FRMD1: variants seen among roughly 807,000 people sequenced by gnomAD.
FRMD1 encodes the protein FERM domain-containing protein 1.
FRMD1 carries 51 observed loss-of-function variants against 54.9 expected under a neutral mutation model. That is an observed-to-expected ratio of 0.93 (90% CI 0.74 to 1.17). The LOEUF is 1.17. Ranked by LOEUF, FRMD1 falls within the 50% of genes most tolerant of loss-of-function variation. The probability of loss-of-function intolerance (pLI) is 0.00; values close to 1 mark genes in which losing one functional copy is unlikely to be tolerated. For missense variants in FRMD1, 729 were observed against 743.0 expected (o/e 0.98, Z 0.22); for synonymous variants, 324 against 306.4 (o/e 1.06, Z -0.60).
In FRMD1 at chr6:168,078,994, C is replaced by T. The variant is rs746166018; in HGVS notation, c.101G>A (p.Arg34Lys). The T allele has an allele frequency of 6.2e-7, 1 of 1,612,470 alleles. No individual in the cohort carries two copies. Among genetic ancestry groups the T allele is most frequent in the South Asian group, 1.1e-5 (1 of 91,068 alleles). The change falls in exon 1 of 11, where the codon AGG becomes AAG. Residue 34 changes from arginine to lysine, a missense_variant. Coordinates refer to ENST00000283309, the MANE Select transcript of FRMD1 (RefSeq NM_024919.6). The stretch of plus-strand genomic sequence containing the variant: ...CGGCTCCTGCTGACTGCATGCAGGC[C>T]TCTCAGGACTGGGTTCCATACATCG... Reference protein sequence around the residue: ...GARCMEPSPERPACSQQEPTL... With the variant: ...GARCMEPSPEKPACSQQEPTL...
At position 168,063,726 on chromosome 6, in the gene FRMD1, G is replaced by T. The variant is rs1285399910; in HGVS notation, c.679C>A (p.Leu227Ile). Residue 227 changes from leucine (L) to isoleucine (I), a missense_variant, in exon 6 of 11, where the codon CTC becomes ATC. Physicochemically the swap from Leu to Ile is conservative, Grantham distance 5. Transcript: ENST00000283309. ...CGGTGCAGGGTAGGCATGTGCCGGAGGATGTAGTCAATCCCCCTCTTGGTG... is the reference window on the plus strand; with the variant it reads ...CGGTGCAGGGTAGGCATGTGCCGGATGATGTAGTCAATCCCCCTCTTGGTG... Reference protein sequence around the residue: ...IITKRGIDYILRHMPTLHRER... With the variant: ...IITKRGIDYIIRHMPTLHRER... The T allele has an allele frequency of 1.2e-6, 2 of 1,613,486 alleles. No individual in the cohort carries two copies. The highest frequency in any genetic ancestry group is 4.5e-5 in the East Asian group (2 of 44,836).
chr6:168,085,761 C>A (rs1800907731), upstream of FRMD1, among the ~76,000 whole-genome samples: 1 of 150,384 alleles, frequency 6.6e-6, no homozygotes, highest in Non-Finnish European at 1.5e-5. Flanking sequence ...CCAAAGCCTT[C>A]CATGGCTCCC....
chr6:168,065,388 T>C (rs1204911957), intron 4 of FRMD1: 1 of 1,082,456 alleles, frequency 9.2e-7, no homozygotes, highest in Non-Finnish European at 1.1e-6. Context: ...CCCGGGCGAC[T>C]CGAATCCCTG....
chr6:168,068,887 G>C (rs1231016489), intron 2 of FRMD1, among the ~76,000 whole-genome samples: 1 of 152,238 alleles, frequency 6.6e-6, no homozygotes, highest in Non-Finnish European at 1.5e-5. Flanking sequence ...CACAGGGCCG[G>C]GTGCCTGGCT....
chr6:168,087,025 C>T (rs537060105), intron 1 of FRMD1, among the ~76,000 whole-genome samples: 1 of 152,004 alleles, frequency 6.6e-6, no homozygotes, highest in Non-Finnish European at 1.5e-5. Flanking sequence ...CCCGCTCACA[C>T]TCCCTTGGGC....
intron 9 of FRMD1, among the ~76,000 whole-genome samples, chr6:168,060,022 T>TGGGGGGCTTCCTAGGAGTG (rs1799631921): frequency 7.4e-6 from 1 of 135,970 alleles, no homozygotes. Context: ...TTCCTAGGAG[T>TGGGGGGCTTCCTAGGAGTG]GGGGGGCTTC....
chr6:168,083,980 G>A (rs960856877), upstream of FRMD1, among the ~76,000 whole-genome samples: 2 of 152,180 alleles, frequency 1.3e-5, no homozygotes, highest in Admixed American at 6.5e-5. Flanking sequence ...CCCCTCTACT[G>A]AAGCCTCACT....
chr6:168,062,680 C>T, intron 7 of FRMD1: 1 of 1,550,684 alleles, frequency 6.4e-7, no homozygotes, highest in Non-Finnish European at 8.7e-7. Context: ...CCAGAAATGC[C>T]AGCTTCCCAA....
intron 1 of FRMD1, among the ~76,000 whole-genome samples, chr6:168,092,810 C>T (rs1006768341): frequency 6.6e-6 from 1 of 152,250 alleles, no homozygotes; most frequent in African/African-American, 2.4e-5. Flanking sequence ...ACCTCTGCGG[C>T]AGCCACCCCG....
chr6:168,081,473 C>A, upstream of FRMD1: 1 of 1,535,612 alleles, frequency 6.5e-7, no homozygotes, highest in South Asian at 1.2e-5. Context: ...CCCAGATCTC[C>A]TCATGGCTGA....
chr6:168,077,657 T>A (rs972606277), intron 1 of FRMD1, among the ~76,000 whole-genome samples: 4 of 152,250 alleles, frequency 2.6e-5, no homozygotes, highest in African/African-American at 9.6e-5. Context: ...CAAAAGCAGA[T>A]GAGCACGATT....
chr6:168,063,845 C>T, intron 5 of FRMD1, 89 bp from the exon 6 acceptor site: 4 of 1,429,994 alleles, frequency 2.8e-6, no homozygotes, highest in East Asian at 2.7e-5. Context: ...CTTCCCCAGA[C>T]TCCCACAGCT....
At chr6:168,073,149 G>A (rs1013107091) in intron 2 of FRMD1, among the ~76,000 whole-genome samples, 17 of 152,252 alleles carry the variant, frequency 1.1e-4, no homozygotes, top group African/African-American at 3.9e-4. Flanking sequence ...TGCTGCTCCC[G>A]GGTGTAAGCC....
In FRMD1 at chr6:168,066,127, C is replaced by T. The variant is rs553886674; in HGVS notation, c.461+628G>A. The T allele has an allele frequency of 1.0e-5, 10 of 989,832 alleles. No individual in the cohort carries two copies. In the African/African-American group the frequency reaches 1.6e-4, roughly 16 times the overall value. 61.3% of individuals were successfully genotyped at this position (989,832 alleles called of 1,614,324 possible). On this transcript the variant is annotated intron_variant, in intron 4 of 10. Transcript: ENST00000283309. ...ACGCAGCAAGCATAGCAGCCCTTAG[C>T]CCAGCGACCTCCAGAAGCCTCGCCC...
intron 1 of FRMD1, among the ~76,000 whole-genome samples, chr6:168,092,619 T>C (rs1356644105): frequency 6.6e-6 from 1 of 152,012 alleles, no homozygotes; most frequent in Non-Finnish European, 1.5e-5. Flanking sequence ...TGCAAGAAGG[T>C]GCCGTCTGCA....
chr6:168,072,938 C>T (rs1213919316), intron 2 of FRMD1, among the ~76,000 whole-genome samples: 1 of 152,186 alleles, frequency 6.6e-6, no homozygotes, highest in Non-Finnish European at 1.5e-5. Context: ...AAAAGTGGGG[C>T]CTGGAGACTT....
Position 168,078,967 on chromosome 6 carries a change from G to T in FRMD1, c.128C>A (p.Thr43Asn). 6.2e-7 allele frequency: 1 copy of T among 1,611,734 alleles called. No individual in the cohort carries two copies. The highest frequency in any genetic ancestry group is 8.5e-7 in the Non-Finnish European group (1 of 1,179,904). Residue 43 changes from threonine (T) to asparagine (N), a missense_variant, in exon 1 of 11, where the codon ACC (threonine) becomes AAC (asparagine). Physicochemically the swap from Thr to Asn is moderately conservative, Grantham distance 65. Transcript: ENST00000283309. ...ERPACSQQEP[T>N]LGMDAMASEH... is the part of the protein sequence containing the mutation. ...CGAGGCCATCGCGTCCATTCCCAGG[G>T]TCGGCTCCTGCTGACTGCATGCAGG...
chr6:168,081,240 G>C, upstream of FRMD1: 4 of 1,040,266 alleles, frequency 3.8e-6, no homozygotes, highest in Non-Finnish European at 5.2e-6. Flanking sequence ...CCTCCCGCCA[G>C]GGCACTGAGG....
At chr6:168,067,098 C>T (rs368639990) in intron 3 of FRMD1, 1 of 705,796 alleles carries the variant, frequency 1.4e-6, no homozygotes, top group South Asian at 1.5e-5. Context: ...TCACCACAGT[C>T]CCCCTGCGGA....
Sources: allele counts gnomAD v4.1 joint callset (sites outside exome capture counted in the v4.1 genomes callset), GRCh38; gene constraint gnomAD v4.1.1; transcripts MANE v1.5; gene names NCBI Gene and HGNC (gene_info 2026-07-23, HGNC 2026-07-21).